The following ARFGEF1 variants were observed in gnomAD, a reference collection of about 807,000 sequenced individuals.
The protein encoded by ARFGEF1 is ARF guanine nucleotide exchange factor 1, also known as brefeldin A-inhibited guanine nucleotide-exchange protein 1.
Under a neutral mutation model 231.0 loss-of-function variants are expected in ARFGEF1, and 42 were observed. The observed-to-expected ratio is 0.18, with a 90% confidence interval of 0.14 to 0.24. ARFGEF1 has a LOEUF of 0.24. ARFGEF1 is among the 10% of genes least tolerant of loss of function. The pLI is 1.00. For missense variants in ARFGEF1, 1,345 were observed against 2,192.0 expected, an observed-to-expected ratio of 0.61 and a Z score of 7.72; for synonymous variants, 710 against 732.3, an observed-to-expected ratio of 0.97 and a Z score of 0.49.
At chr8:67,326,204 T>C (rs1807825619) in intron 1 of ARFGEF1, among the ~76,000 whole-genome samples, 1 of 151,514 alleles carries the variant, frequency 6.6e-6, no homozygotes, top group South Asian at 2.1e-4. Flanking sequence ...TCTCAAAAAA[T>C]AAAAAAAGAA....
intron 34 of ARFGEF1, among the ~76,000 whole-genome samples, chr8:67,209,811 C>T (rs1008607940): frequency 6.6e-6 from 1 of 151,928 alleles, no homozygotes; most frequent in Non-Finnish European, 1.5e-5. Context: ...GGGCACAGGC[C>T]GACTAAGGTT....
At position 67,226,182 on chromosome 8, in the gene ARFGEF1, G is replaced by T; in HGVS notation, c.3918C>A (p.Thr1306=). ...LAFQTTGHIV[T]LVFEKHFPAT... ...CTGGAAAGTGTTTTTCAAATACAAG[G>T]GCTAAAATAGAGAAAAATATATATT... Residue 1306 remains threonine (T), a splice_region_variant and synonymous_variant, in exon 28 of 39, where the codon ACC becomes ACA. Coordinates refer to ENST00000262215, the MANE Select transcript of ARFGEF1 (RefSeq NM_006421.5). 7.6e-6 allele frequency: 12 copies of T among 1,580,032 alleles called. No homozygotes were observed. Among genetic ancestry groups the T allele is most frequent in the Non-Finnish European group, 9.4e-6 (11 of 1,166,196 alleles).
chr8:67,323,144 C>T (rs553421003), intron 1 of ARFGEF1, among the ~76,000 whole-genome samples: 7 of 152,040 alleles, frequency 4.6e-5, no homozygotes, highest in Admixed American at 1.3e-4. Flanking sequence ...CCCAGCTACT[C>T]GGGAGGCTGA....
chr8:67,293,392 T>G (rs1334663985), intron 5 of ARFGEF1, among the ~76,000 whole-genome samples: 1 of 152,120 alleles, frequency 6.6e-6, no homozygotes, highest in Non-Finnish European at 1.5e-5. Context: ...AAAAAGTCTG[T>G]TAATCAAATC....
intron 22 of ARFGEF1, among the ~76,000 whole-genome samples, chr8:67,238,131 C>T (rs551397724): frequency 2.1e-4 from 32 of 152,342 alleles, no homozygotes; most frequent in African/African-American, 7.2e-4. Flanking sequence ...CCTTCTCCAA[C>T]AACCAGAGAG....
At chr8:67,310,968 G>GGGGGGCAGCTCCCC (rs574813309) in intron 1 of ARFGEF1, among the ~76,000 whole-genome samples, 7 of 145,334 alleles carry the variant, frequency 4.8e-5, no homozygotes, top group South Asian at 2.2e-4. Flanking sequence ...AGGGAGGTGG[G>GGGGGGCAGCTCCCC]GCCCGGGAGG....
intron 5 of ARFGEF1, among the ~76,000 whole-genome samples, chr8:67,185,540 T>C (rs1273014208): frequency 6.6e-6 from 1 of 152,134 alleles, no homozygotes. Flanking sequence ...ACATCACCAG[T>C]GGTCTGTCGG....
rs75111017 is a variant in ARFGEF1, at chr8:67,277,292, T to C, written c.1193A>G (p.Asn398Ser). 9.2e-5 allele frequency: 149 copies of C among 1,612,556 alleles called. No individual in the cohort carries two copies. Among genetic ancestry groups the C allele is most frequent in the African/African-American group, 4.0e-4 (30 of 74,948 alleles). Residue 398 changes from asparagine to serine, a missense_variant, in exon 8 of 39, where the codon AAT becomes AGT. Asn to Ser is a conservative substitution (Grantham distance 46). This residue lies in a region of ARFGEF1 where 141 missense variants were observed against 259.9 expected (regional missense o/e 0.54). Coordinates refer to ENST00000262215, the MANE Select transcript of ARFGEF1 (RefSeq NM_006421.5). The part of the protein sequence containing the change: ...LPDDRLSVSS[N>S]DTQESGNSSG... ...CCCCTCCATTTATACCTGAGTATCA[T>C]TGGAAGAGACTGACAATCTATCATC...
rs1284136931 is a variant in ARFGEF1 at position 67,175,791 on chromosome 8, A to C, written c.561-219T>G. Among the ~76,000 whole-genome samples the C allele has an allele frequency of 2.0e-5, 3 of 152,368 alleles. No individual in the cohort carries two copies. The South Asian group carries it at 6.2e-4, about 32-fold the overall frequency. On this transcript the variant is annotated intron_variant, in intron 5 of 5. Transcript: ENST00000518789. ...GTCATGATGTGTCGGGCATTTGCCT[A>C]CTGTGCCATGTCAGGCATTTGTCTA...
At chr8:67,309,909 T>C (rs1806917817) in intron 1 of ARFGEF1, among the ~76,000 whole-genome samples, 1 of 152,172 alleles carries the variant, frequency 6.6e-6, no homozygotes, top group Non-Finnish European at 1.5e-5. Flanking sequence ...ATATTTTCAT[T>C]TTCTATTCTA....
intron 1 of ARFGEF1, among the ~76,000 whole-genome samples, chr8:67,325,368 C>A (rs957975639): frequency 6.6e-6 from 1 of 152,048 alleles, no homozygotes; most frequent in Non-Finnish European, 1.5e-5. Context: ...TTAATGCTTT[C>A]TCATCTCATC....
intron 27 of ARFGEF1, among the ~76,000 whole-genome samples, 191 bp from the exon 28 acceptor site, chr8:67,226,374 T>G (rs1387885879): frequency 6.6e-6 from 1 of 152,096 alleles, no homozygotes. Flanking sequence ...ATAGTAAAAC[T>G]TGTCTGTTTT....
chr8:67,311,625 C>A (rs1388931406), intron 1 of ARFGEF1, among the ~76,000 whole-genome samples: 1 of 148,710 alleles, frequency 6.7e-6, no homozygotes, highest in Non-Finnish European at 1.5e-5. Flanking sequence ...GGGGGTCAGC[C>A]CCCCCGCCCA....
At chr8:67,333,903 CAAGGTCAGCGGATCACCT>C (rs982636255) in intron 1 of ARFGEF1, among the ~76,000 whole-genome samples, 6 of 151,982 alleles carry the variant, frequency 3.9e-5, no homozygotes, top group Non-Finnish European at 8.8e-5. Flanking sequence ...TTTGGGAGGC[CAAGGTCAGCGGATCACCT>C]GAGGTCAGAG....
At chr8:67,265,894 T>G in intron 14 of ARFGEF1, 112 bp downstream of exon 14, 16 of 950,102 alleles carry the variant, frequency 1.7e-5, no homozygotes, top group East Asian at 2.6e-5. Context: ...ATTAGATCCA[T>G]GAGAACTATC....
At chr8:67,206,760 T>C (rs1034856889) in intron 34 of ARFGEF1, among the ~76,000 whole-genome samples, 1 of 152,230 alleles carries the variant, frequency 6.6e-6, no homozygotes, top group South Asian at 2.1e-4. Context: ...GGGGCAGCTT[T>C]GGCAGGAAGC....
At chr8:67,185,548 C>T (rs1207545463) in intron 5 of ARFGEF1, among the ~76,000 whole-genome samples, 1 of 152,110 alleles carries the variant, frequency 6.6e-6, no homozygotes, top group African/African-American at 2.4e-5. Context: ...AGTGGTCTGT[C>T]GGTTGATGTG....
chr8:67,201,984 AG>A (rs1838346283), intron 36 of ARFGEF1: 1 of 215,838 alleles, frequency 4.6e-6, no homozygotes, highest in Non-Finnish European at 9.1e-6. Context: ...TGTGGACACA[AG>A]GAGGCTCTAT....
chr8:67,290,919 C>T (rs925405912), intron 6 of ARFGEF1, among the ~76,000 whole-genome samples: 2 of 151,462 alleles, frequency 1.3e-5, no homozygotes, highest in Admixed American at 1.3e-4. Flanking sequence ...TGTAAAAAGG[C>T]ACGTATTCAT....
Sources: gnomAD v4.1 joint callset for allele counts (sites outside exome capture counted in the v4.1 genomes callset) on GRCh38, gnomAD v4.1.1 for gene constraint, gnomAD v4.1.1 regional missense constraint, MANE v1.5 for transcripts, NCBI Gene and HGNC (gene_info 2026-07-23, HGNC 2026-07-21) for gene names.